Variants in SHARPIN observed in about 807,000 individuals in gnomAD.
SHARPIN encodes hSIPL1.
A neutral mutation model predicts 40.3 loss-of-function variants in SHARPIN; 25 were observed. That is an observed-to-expected ratio of 0.62 (90% CI 0.45 to 0.87). The LOEUF (loss-of-function observed/expected upper bound fraction) is 0.87. Ranked by LOEUF, SHARPIN falls within the 40% of genes least tolerant of loss-of-function variation. The pLI is 0.00. For synonymous variants in SHARPIN, 274 were observed against 221.8 expected (o/e 1.24, Z -2.09); for missense variants, 551 against 516.1 (o/e 1.07, Z -0.66).
At chr8:144,103,424 C>A in intron 1 of SHARPIN, 129 bp downstream of exon 1, 4 of 1,145,364 alleles carry the variant, frequency 3.5e-6, no homozygotes, top group Non-Finnish European at 3.7e-6. Flanking sequence ...ATTTCACGGA[C>A]GAGAAAACAG....
rs777097807 is a variant in SHARPIN, at chr8:144,099,943, T to C, written c.503A>G (p.Asn168Ser). The change falls in exon 3 of 9, where the codon AAC (asparagine) becomes AGC (serine). Residue 168 changes from asparagine to serine, a missense_variant. Coordinates refer to ENST00000398712, the MANE Select transcript of SHARPIN (RefSeq NM_030974.4). The part of the protein sequence containing the change: ...PEADLPRSPG[N>S]LTEREELAGS... ...CCCACCTGTACCTCTCTCCGTCAAG[T>C]TTCCAGGGCTCCTAGGAAGATCTGC... The C allele has an allele frequency of 6.4e-7, 1 of 1,555,338 alleles. No individual in the cohort carries two copies. Among genetic ancestry groups the C allele is most frequent in the East Asian group, 2.5e-5 (1 of 40,136 alleles).
chr8:144,099,715 G>A lies in SHARPIN; in HGVS notation c.647C>T (p.Pro216Leu), dbSNP rs1836247828. ...CCCCAGGCCTCACCTGATGGGGCCA[G>A]GTGGGAAGCAGGCCTCCTGAAGCTG... ...SVQLQEACFP[P>L]GPIRLQVTLE... The change falls in exon 4 of 9, where the codon CCT becomes CTT. Residue 216 changes from proline (P) to leucine (L), a missense_variant. Pro to Leu is a moderately conservative substitution (Grantham distance 98). Coordinates refer to ENST00000398712, the MANE Select transcript of SHARPIN (RefSeq NM_030974.4). 1.2e-6 allele frequency: 2 copies of A among 1,613,590 alleles called. No homozygotes were observed. Among genetic ancestry groups the A allele is most frequent in the East Asian group, 2.2e-5 (1 of 44,880 alleles).
Position 144,103,748 on chromosome 8 carries a change from C to T in SHARPIN, c.6G>A (p.Ala2=). The change falls in exon 1 of 9, where the codon GCG becomes GCA. Residue 2 remains alanine, a synonymous_variant. Transcript: ENST00000398712. ...CCGCCGCCGCCCCGCCCGCTGGCGG[C>T]GCCATCTCCGGTCCGGCCGGGTCCC... The part of the protein sequence containing the change: M[A]PPAGGAAAAA... The T allele has an allele frequency of 7.3e-7, 1 of 1,376,006 alleles. No homozygotes were observed. Among genetic ancestry groups the T allele is most frequent in the Non-Finnish European group, 9.3e-7 (1 of 1,071,458 alleles). 85.2% of individuals were successfully genotyped at this position (1,376,006 alleles called of 1,614,324 possible).
At position 144,102,011 on chromosome 8, in the gene SHARPIN, A is replaced by C. The variant is rs538413538; in HGVS notation, c.376+1040T>G. On this transcript the variant is annotated intron_variant, in intron 2 of 8. Transcript: ENST00000398712. ...TTATCTCGTTTGTGGGCTGCCCTCT[A>C]TCTGGGAGCCCCATACTACCTAGTC... Among the ~76,000 whole-genome samples the C allele has an allele frequency of 3.3e-5, 5 of 152,146 alleles. No homozygotes were observed. In the South Asian group the frequency reaches 8.3e-4, roughly 25 times the overall value.
chr8:144,100,196 C>A, intron 2 of SHARPIN, 127 bp from the exon 3 acceptor site: 1 of 1,139,866 alleles, frequency 8.8e-7, no homozygotes, highest in Non-Finnish European at 1.2e-6. Flanking sequence ...GGCCACACTT[C>A]TAGCCACACC....
Position 144,099,268 on chromosome 8 carries a change from A to C in SHARPIN, c.922+9T>G, listed in dbSNP as rs775949388. The C allele has an allele frequency of 6.2e-7, 1 of 1,613,892 alleles. No homozygotes were observed. The highest frequency in any genetic ancestry group is 1.3e-5 in the African/African-American group (1 of 74,928). The stretch of plus-strand genomic sequence containing the variant: ...CACCTCCCACACCCCACCCCCATCG[A>C]GGACTGACCTGGGGCTTCTCGAGGA... On this transcript the variant is annotated intron_variant, in intron 6 of 8. Transcript: ENST00000398712.
Position 144,103,685 on chromosome 8 carries a change from AGCCAAGAGCACT to A in SHARPIN, c.57_68del (p.Leu21_Val24del). 6.6e-7 allele frequency: 1 copy of A among 1,504,982 alleles called. No individual in the cohort carries two copies. The highest frequency in any genetic ancestry group is 8.8e-7 in the Non-Finnish European group (1 of 1,133,994). 93.2% of individuals were successfully genotyped at this position (1,504,982 alleles called of 1,614,324 possible). ...CCAGCGGCCTCACCGCGGCGTGCAC[AGCCAAGAGCACT>A]GCGGCGGAGCCCAAGTCCGAGGCCG... On this transcript the variant is annotated inframe_deletion, in exon 1 of 9. Coordinates refer to ENST00000398712, the MANE Select transcript of SHARPIN (RefSeq NM_030974.4).
Position 144,103,590 on chromosome 8 carries a change from C to T in SHARPIN, c.164G>A (p.Arg55His), listed in dbSNP as rs760040462. The T allele has an allele frequency of 1.3e-6, 2 of 1,530,820 alleles. No homozygotes were observed. Among genetic ancestry groups the T allele is most frequent in the South Asian group, 1.2e-5 (1 of 83,860 alleles). 94.8% of individuals were successfully genotyped at this position (1,530,820 alleles called of 1,614,324 possible). ...CGCGCCCAGCAGCTCCAGCCGGAAGCGCCCAGGCCGCTCAGGGTCCGCGCT... is the reference window on the plus strand; with the variant it reads ...CGCGCCCAGCAGCTCCAGCCGGAAGTGCCCAGGCCGCTCAGGGTCCGCGCT... ...QLSADPERPG[R>H]FRLELLGAGP... is the part of the protein sequence containing the mutation. Residue 55 changes from arginine (R) to histidine (H), a missense_variant, in exon 1 of 9, where the codon CGC becomes CAC. Arg to His is a conservative substitution (Grantham distance 29). Transcript: ENST00000398712.
Position 144,099,288 on chromosome 8 carries a change from CGAG to C in SHARPIN, c.908_910del (p.Pro303del), listed in dbSNP as rs755691686. ...CATCGAGGACTGACCTGGGGCTTCT[CGAG>C]GAGCTGACAGCAAGTAGAGGAAAGC... On this transcript the variant is annotated inframe_deletion, in exon 6 of 9. Transcript: ENST00000398712. The C allele has an allele frequency of 5.6e-6, 9 of 1,613,950 alleles. No homozygotes were observed. The highest frequency in any genetic ancestry group is 1.1e-5 in the South Asian group (1 of 91,088).
Position 144,099,781 on chromosome 8 carries a change from A to G in SHARPIN, c.581T>C (p.Val194Ala). The G allele has an allele frequency of 6.2e-7, 1 of 1,613,074 alleles. No individual in the cohort carries two copies. Among genetic ancestry groups the G allele is most frequent in the Non-Finnish European group, 8.5e-7 (1 of 1,179,962 alleles). ...AGGDEKGAAQ[V>A]AAVLAQHRVA... ...ACGATGCTGGGCCAGGACGGCTGCC[A>G]CTTGGGCTGCCCCCTTCTCGTCTCC... Residue 194 changes from valine to alanine, a missense_variant, in exon 4 of 9, where the codon GTG (valine) becomes GCG (alanine). Val to Ala is a moderately conservative substitution (Grantham distance 64, BLOSUM62 0). Coordinates refer to ENST00000398712, the MANE Select transcript of SHARPIN (RefSeq NM_030974.4).
chr8:144,100,568 T>G (rs551729674), intron 2 of SHARPIN, among the ~76,000 whole-genome samples: 1 of 152,254 alleles, frequency 6.6e-6, no homozygotes, highest in East Asian at 1.9e-4. Context: ...CCCAGCCCAC[T>G]GCAATGGGGG....
chr8:144,101,368 C>G (rs1176874071), intron 2 of SHARPIN, among the ~76,000 whole-genome samples: 1 of 148,494 alleles, frequency 6.7e-6, no homozygotes, highest in Non-Finnish European at 1.5e-5. Flanking sequence ...TCCCGAATAG[C>G]TGGGATTACA....
In SHARPIN at chr8:144,099,609, G is replaced by C; in HGVS notation, c.669C>G (p.Val223=). 1.2e-6 allele frequency: 2 copies of C among 1,614,012 alleles called. No individual in the cohort carries two copies. Among genetic ancestry groups the C allele is most frequent in the Non-Finnish European group, 1.7e-6 (2 of 1,179,978 alleles). ...CFPPGPIRLQ[V]TLEDAASAAS... is the part of the protein sequence containing the mutation. ...CGGCAGAGGCAGCGTCTTCAAGTGT[G>C]ACCTGCAGCCTGTGCCAGAATGTGG... Residue 223 remains valine (V), a synonymous_variant, in exon 5 of 9, where the codon GTC becomes GTG. Transcript: ENST00000398712.
Position 144,098,642 on chromosome 8 carries a change from C to T in SHARPIN, c.*159G>A. ...ACCATGAAAGGGATGCTTGCTGGCT[C>T]TTAAGGGTCTTTAATGGTTTCATTT... On this transcript the variant is annotated 3_prime_UTR_variant, in exon 9 of 9. Coordinates refer to ENST00000398712, the MANE Select transcript of SHARPIN (RefSeq NM_030974.4). The T allele has an allele frequency of 7.6e-6, 3 of 396,980 alleles. No homozygotes were observed. The highest frequency in any genetic ancestry group is 1.4e-5 in the Non-Finnish European group (3 of 219,948). The allele number at this position is 396,980 out of a possible 1,614,324, so 24.6% of individuals were successfully genotyped here.
chr8:144,103,288 G>C, intron 1 of SHARPIN, 63 bp from the exon 2 acceptor site: 1 of 1,509,706 alleles, frequency 6.6e-7, no homozygotes. Context: ...GAGGAGCAAA[G>C]AAATACAAGG....
At chr8:144,101,187 C>T (rs1451102776) in intron 2 of SHARPIN, among the ~76,000 whole-genome samples, 1 of 152,058 alleles carries the variant, frequency 6.6e-6, no homozygotes, top group Non-Finnish European at 1.5e-5. Context: ...CTCATTCCCA[C>T]ACCATCTAAC....
At chr8:144,100,129 G>C in intron 2 of SHARPIN, 60 bp from the exon 3 acceptor site, 1 of 1,511,066 alleles carries the variant, frequency 6.6e-7, no homozygotes. Flanking sequence ...TAGGCCCTTG[G>C]TTTTCCAGGA....
chr8:144,103,321 C>T (rs777177495), intron 1 of SHARPIN, 96 bp from the exon 2 acceptor site: 12 of 1,363,700 alleles, frequency 8.8e-6, no homozygotes, highest in Non-Finnish European at 1.1e-5. Flanking sequence ...ACCATTTACA[C>T]GGTCCTAAGC....
rs11541805 is a variant in SHARPIN at position 144,100,007 on chromosome 8, G to C, written c.439C>G (p.Pro147Ala). 2,018 of 1,606,202 alleles carry C rather than the reference G, an allele frequency of 1.3e-3. 19 individuals carry two copies. Among genetic ancestry groups the C allele is most frequent in the Non-Finnish European group, 3.1e-4 (365 of 1,176,008 alleles). Residue 147 changes from proline to alanine, a missense_variant, in exon 3 of 9, where the codon CCC becomes GCC. Pro to Ala is a conservative substitution (Grantham distance 27, BLOSUM62 -1). Coordinates refer to ENST00000398712, the MANE Select transcript of SHARPIN (RefSeq NM_030974.4). ...CCCTTGAGTGTGGAGGCTTCCGGGGGACTGGGCAGGGAGACAGGGCATGCT... is the reference window on the plus strand; with the variant it reads ...CCCTTGAGTGTGGAGGCTTCCGGGGCACTGGGCAGGGAGACAGGGCATGCT... Reference protein sequence around the residue: ...PEACPVSLPSPPEASTLKGPP... With the variant: ...PEACPVSLPSAPEASTLKGPP...
Sources: gnomAD v4.1 joint callset for allele counts (sites outside exome capture counted in the v4.1 genomes callset) on GRCh38, gnomAD v4.1.1 for gene constraint, MANE v1.5 for transcripts, NCBI Gene and HGNC (gene_info 2026-07-23, HGNC 2026-07-21) for gene names.